Variants in COL6A6 observed in about 807,000 individuals in gnomAD.
The protein encoded by COL6A6 is collagen alpha-6(VI) chain.
Under a neutral mutation model 208.6 loss-of-function variants are expected in COL6A6, and 183 were observed. That is an observed-to-expected ratio of 0.88 (90% CI 0.78 to 0.99). The LOEUF (loss-of-function observed/expected upper bound fraction) is 0.99, where lower values mean the gene tolerates loss of function less well. COL6A6 is among the 50% of genes least tolerant of loss of function. COL6A6 has a pLI of 0.00. For synonymous variants in COL6A6, 973 were observed against 1,011.8 expected, an observed-to-expected ratio of 0.96 and a Z score of 0.73; for missense variants, 2,816 against 2,815.2, an observed-to-expected ratio of 1.00 and a Z score of -0.01.
At chr3:130,560,265 G>C (rs376334247) in intron 1 of COL6A6, 69 bp from the exon 2 acceptor site, 5 of 918,070 alleles carry the variant, frequency 5.4e-6, no homozygotes, top group Admixed American at 2.5e-5. Context: ...AATTTTGTAT[G>C]CTCTTGTATG....
intron 1 of COL6A6, among the ~76,000 whole-genome samples, chr3:130,531,015 TACACACAC>T (rs58738761): frequency 1.9e-4 from 27 of 143,864 alleles, no homozygotes; most frequent in African/African-American, 4.2e-4. Flanking sequence ...CCCCCTCCTC[TACACACAC>T]ACACACACAC....
intron 24 of COL6A6, among the ~76,000 whole-genome samples, chr3:130,622,321 C>A (rs2064751090): frequency 6.6e-6 from 1 of 150,710 alleles, no homozygotes; most frequent in Non-Finnish European, 1.5e-5. Context: ...CCAGGAGAGA[C>A]ATCTTTGTTT....
At chr3:130,576,627 A>G (rs1157314318) in intron 8 of COL6A6, among the ~76,000 whole-genome samples, 1 of 151,566 alleles carries the variant, frequency 6.6e-6, no homozygotes, top group Non-Finnish European at 1.5e-5. Context: ...TATGAACTCC[A>G]AGTAAGTAAT....
At chr3:130,545,545 C>G (rs1317241983) in intron 1 of COL6A6, among the ~76,000 whole-genome samples, 2 of 151,752 alleles carry the variant, frequency 1.3e-5, no homozygotes, top group African/African-American at 4.8e-5. Context: ...CCTCCGCCTC[C>G]CGGATTCAAG....
At chr3:130,648,939 GTTTGT>G (rs2065538822) in intron 32 of COL6A6, 125 bp from the exon 33 acceptor site, 2 of 716,176 alleles carry the variant, frequency 2.8e-6, no homozygotes, top group Non-Finnish European at 2.1e-6. Flanking sequence ...TATTTTACAT[GTTTGT>G]TTTAATACTT....
At position 130,563,068 on chromosome 3, in the gene COL6A6, G is replaced by A. The variant is rs574029624; in HGVS notation, c.65G>A (p.Gly22Asp). 44 of 1,602,704 alleles carry A rather than the reference G, an allele frequency of 2.7e-5. No individual in the cohort carries two copies. In the African/African-American group the frequency reaches 5.4e-4, roughly 20 times the overall value. Residue 22 changes from glycine to aspartate, a missense_variant and splice_region_variant, in exon 3 of 37, where the codon GGC becomes GAC. Transcript: ENST00000358511. The part of the protein sequence containing the change: ...CSHISVNQDS[G>D]PEYADVVFLV... ...CGTTCATATGTTTGTGGTTTTGCAG[G>A]CCCTGAGTATGCAGATGTTGTGTTT...
At chr3:130,576,783 A>C (rs1466133043) in intron 8 of COL6A6, among the ~76,000 whole-genome samples, 1 of 152,232 alleles carries the variant, frequency 6.6e-6, no homozygotes, top group African/African-American at 2.4e-5. Context: ...GAACACTGAT[A>C]AAGCTTCAAA....
chr3:130,659,482 T>C (rs2065884654), intron 34 of COL6A6, among the ~76,000 whole-genome samples: 1 of 152,248 alleles, frequency 6.6e-6, no homozygotes, highest in Non-Finnish European at 1.5e-5. Flanking sequence ...ATGGTGATAA[T>C]GACAGTTAAT....
chr3:130,655,087 T>C (rs2065752805), intron 33 of COL6A6, among the ~76,000 whole-genome samples: 1 of 152,118 alleles, frequency 6.6e-6, no homozygotes, highest in Non-Finnish European at 1.5e-5. Context: ...TAGGAGTAAA[T>C]TGGGGAAGTT....
At chr3:130,642,792 G>A in intron 29 of COL6A6, 40 bp from the exon 30 acceptor site, 1 of 1,597,448 alleles carries the variant, frequency 6.3e-7, no homozygotes, top group Non-Finnish European at 8.6e-7. Flanking sequence ...TGATGTGTAT[G>A]TCTAGAGGCA....
intron 1 of COL6A6, among the ~76,000 whole-genome samples, chr3:130,527,305 A>C (rs2061981610): frequency 6.6e-6 from 1 of 152,154 alleles, no homozygotes; most frequent in African/African-American, 2.4e-5. Flanking sequence ...ATCTTGACTC[A>C]CTATTGGTGA....
At chr3:130,597,236 A>C (rs2063877490) in intron 18 of COL6A6, among the ~76,000 whole-genome samples, 1 of 152,220 alleles carries the variant, frequency 6.6e-6, no homozygotes, top group Admixed American at 6.5e-5. Flanking sequence ...GGAGAACGTA[A>C]GAGACAAATA....
Position 130,621,836 on chromosome 3 carries a change from G to A in COL6A6, c.4831G>A (p.Gly1611Arg), listed in dbSNP as rs369809525. 1.4e-5 allele frequency: 22 copies of A among 1,613,824 alleles called. No homozygotes were observed. Among genetic ancestry groups the A allele is most frequent in the Middle Eastern group, 3.3e-4 (2 of 6,062 alleles). The change falls in exon 24 of 37, where the codon GGA becomes AGA. Residue 1611 changes from glycine (G) to arginine (R), a missense_variant. Coordinates refer to ENST00000358511, the MANE Select transcript of COL6A6 (RefSeq NM_001102608.3). The stretch of plus-strand genomic sequence containing the variant: ...TTTGTTTCAGGGGCCTCCAGGACCC[G>A]GAGGAGAGGCAGGGAATCAAGGCCG... ...SKGPQGPPGPGGEAGNQGRLG... is the reference protein window; with the variant it reads ...SKGPQGPPGPRGEAGNQGRLG...
chr3:130,529,119 T>C (rs899294102), intron 1 of COL6A6, among the ~76,000 whole-genome samples: 9 of 152,098 alleles, frequency 5.9e-5, no homozygotes, highest in Non-Finnish European at 1.0e-4. Context: ...AGAGCCACTC[T>C]GGGCCTCAAT....
In COL6A6 at chr3:130,561,778, G is replaced by C. The variant is rs374243168; in HGVS notation, c.65-1290G>C. On this transcript the variant is annotated intron_variant, in intron 2 of 36. Transcript: ENST00000358511. ...CGCCATTCTCCTGCCTCAGCCTCCC[G>C]AGTAGCTGGGACTACAGGCGCCCGC... Among the ~76,000 whole-genome samples, 173 of 149,992 alleles carry C rather than the reference G, an allele frequency of 1.2e-3. 1 individual carries two copies. Among genetic ancestry groups the C allele is most frequent in the African/African-American group, 3.9e-3 (160 of 40,696 alleles).
intron 15 of COL6A6, 75 bp from the exon 16 acceptor site, chr3:130,592,984 TAG>T (rs2063756245): frequency 7.5e-7 from 1 of 1,326,966 alleles, no homozygotes; most frequent in Admixed American, 1.8e-5. Context: ...AACACAAAAA[TAG>T]AGTTTTTGTT....
At chr3:130,648,419 G>A (rs1357166028) in intron 32 of COL6A6, among the ~76,000 whole-genome samples, 1 of 152,156 alleles carries the variant, frequency 6.6e-6, no homozygotes, top group Non-Finnish European at 1.5e-5. Context: ...TTCATTTAAT[G>A]CTCACCTCAG....
At chr3:130,567,544 G>A (rs1046729676) in intron 5 of COL6A6, among the ~76,000 whole-genome samples, 4 of 152,176 alleles carry the variant, frequency 2.6e-5, no homozygotes, top group African/African-American at 7.2e-5. Context: ...TACACCACAC[G>A]TGTAATATGA....
intron 1 of COL6A6, among the ~76,000 whole-genome samples, chr3:130,528,712 G>C (rs950704934): frequency 2.0e-5 from 3 of 152,264 alleles, no homozygotes; most frequent in Admixed American, 6.5e-5. Context: ...ACCTGGGTTT[G>C]AATAATCACC....
Sources: gnomAD v4.1 joint callset for allele counts (sites outside exome capture counted in the v4.1 genomes callset) on GRCh38, gnomAD v4.1.1 for gene constraint, MANE v1.5 for transcripts, NCBI Gene and HGNC (gene_info 2026-07-23, HGNC 2026-07-21) for gene names.